The following DCT variants were observed in gnomAD, a reference collection of about 807,000 sequenced individuals.
The protein encoded by DCT is L-dopachrome tautomerase.
DCT carries 47 observed loss-of-function variants against 53.0 expected under a neutral mutation model. The observed-to-expected ratio is 0.89, with a 90% CI of 0.70 to 1.13. DCT has a LOEUF of 1.13. Ranked by LOEUF, DCT falls within the 50% of genes most tolerant of loss-of-function variation. The pLI, the probability that DCT is intolerant of heterozygous loss-of-function variation, is 0.00. For synonymous variants in DCT, 244 were observed against 237.0 expected (o/e 1.03, Z -0.27); for missense variants, 669 against 637.4 (o/e 1.05, Z -0.53).
the DCT span, among the ~76,000 whole-genome samples, chr13:94,493,218 C>G: frequency 6.6e-6 from 1 of 152,090 alleles, no homozygotes; most frequent in Non-Finnish European, 1.5e-5. Flanking sequence ...AGCCATCATC[C>G]TAAGACTTGC....
chr13:94,490,528 AAAAC>A, the DCT span, among the ~76,000 whole-genome samples: 37 of 149,298 alleles, frequency 2.5e-4, no homozygotes, highest in African/African-American at 8.9e-4. Context: ...AAAAAAAAAA[AAAAC>A]AACTAACCAT....
chr13:94,472,546 A>T (rs1481358396), intron 1 of DCT, among the ~76,000 whole-genome samples: 3 of 25,560 alleles, frequency 1.2e-4, no homozygotes, highest in Non-Finnish European at 1.3e-4. Context: ...ATATATATAT[A>T]TATATATATA....
rs891874980 is a variant in DCT, at chr13:94,468,691, C to T, written c.595+55G>A. 15 of 1,512,966 alleles carry T rather than the reference C, an allele frequency of 9.9e-6. No homozygotes were observed. The East Asian group carries it at 2.7e-4, about 27-fold the overall frequency. 93.7% of individuals were successfully genotyped at this position (1,512,966 alleles called of 1,614,324 possible). A position where few individuals can be genotyped will look rare whatever the true frequency, so the allele number is the denominator to read the frequency against. On this transcript the variant is annotated intron_variant, in intron 2 of 7. Transcript: ENST00000377028. ...TGAAATTACTTCCCACTGCCATACC[C>T]TCAACCCAATCACAAACCTGTAATA... is the stretch of plus-strand genomic sequence containing the variant.
rs1459093606 is a variant in DCT at position 94,472,548 on chromosome 13, ATATATATATATATATATATATTTTTT to A, written c.296-3529_296-3504del. Among the ~76,000 whole-genome samples, 7 of 25,450 alleles carry A rather than the reference ATATATATATATATATATATATTTTTT, an allele frequency of 2.8e-4. No individual in the cohort carries two copies. In the South Asian group the frequency reaches 4.4e-3, roughly 16 times the overall value. 16.7% of individuals were successfully genotyped at this position (25,450 alleles called of 152,430 possible). On this transcript the variant is annotated intron_variant, in intron 1 of 7. Transcript: ENST00000377028. ...TATATATATATATATATATATATAT[ATATATATATATATATATATATTTTTT>A]TTTTTTTTTTTTTTTTTTTTTTTTG...
At chr13:94,499,217 C>G in the DCT span, among the ~76,000 whole-genome samples, 1 of 152,110 alleles carries the variant, frequency 6.6e-6, no homozygotes, top group African/African-American at 2.4e-5. Flanking sequence ...GACCACAAAC[C>G]CACCAGAAGG....
At chr13:94,497,583 G>T in the DCT span, among the ~76,000 whole-genome samples, 1 of 152,110 alleles carries the variant, frequency 6.6e-6, no homozygotes, top group Non-Finnish European at 1.5e-5. Flanking sequence ...GCAAACTACA[G>T]AAAATAAAAT....
intron 5 of DCT, among the ~76,000 whole-genome samples, chr13:94,461,692 T>C (rs1341764136): frequency 6.6e-6 from 1 of 152,186 alleles, no homozygotes; most frequent in African/African-American, 2.4e-5. Flanking sequence ...AGAAAGAGCA[T>C]GGACATTGAA....
the DCT span, among the ~76,000 whole-genome samples, chr13:94,494,911 GTAGA>G: frequency 6.6e-6 from 1 of 152,082 alleles, no homozygotes; most frequent in Non-Finnish European, 1.5e-5. Context: ...TCATTGTATA[GTAGA>G]TAATTATGAT....
chr13:94,460,038 A>T, intron 6 of DCT, 53 bp downstream of exon 6: 18 of 1,549,054 alleles, frequency 1.2e-5, no homozygotes, highest in Non-Finnish European at 1.6e-5. Context: ...TGAAAAAATA[A>T]ATCTGACATA....
chr13:94,438,419 C>A lies in DCT; in HGVS notation c.*1479G>T. On this transcript the variant is annotated 3_prime_UTR_variant, in exon 8 of 8. Transcript: ENST00000377028. ...AGTTCCAACTGGGCTTTGTCCATTT[C>A]TCTGGCTTTAGCAGTCCTTTTGCAT... The A allele has an allele frequency of 1.2e-5, 3 of 247,382 alleles. No individual in the cohort carries two copies. In the South Asian group the frequency reaches 1.3e-4, roughly 11 times the overall value. 15.3% of individuals were successfully genotyped at this position (247,382 alleles called of 1,614,324 possible). A position where few individuals can be genotyped will look rare whatever the true frequency, so the allele number is the denominator to read the frequency against.
At chr13:94,498,939 G>A in the DCT span, among the ~76,000 whole-genome samples, 986 of 152,086 alleles carry the variant, frequency 6.5e-3, 14 homozygotes, top group African/African-American at 0.022. Flanking sequence ...TTGTAAATGC[G>A]CCAGTCAGCA....
the DCT span, among the ~76,000 whole-genome samples, chr13:94,530,406 C>T: frequency 2.6e-5 from 4 of 152,160 alleles, no homozygotes; most frequent in Non-Finnish European, 5.9e-5. Context: ...TACTGGCAAA[C>T]CAAATCCAGC....
At chr13:94,512,717 TATATAC>T in the DCT span, among the ~76,000 whole-genome samples, 17 of 116,542 alleles carry the variant, frequency 1.5e-4, 1 homozygote, top group African/African-American at 5.0e-4. Flanking sequence ...CATATATATA[TATATAC>T]ACACACACAC....
chr13:94,515,202 T>G, the DCT span, among the ~76,000 whole-genome samples: 145 of 152,336 alleles, frequency 9.5e-4, no homozygotes, highest in Non-Finnish European at 1.6e-3. Context: ...ATGTCTGTTG[T>G]TTATAAGCCT....
chr13:94,513,987 C>CAAAAAAAA, the DCT span, among the ~76,000 whole-genome samples: 6 of 53,182 alleles, frequency 1.1e-4, no homozygotes, highest in East Asian at 7.2e-4. Context: ...AACTCTGTCT[C>CAAAAAAAA]AAAAAAAAAA....
chr13:94,544,073 T>C, the DCT span, among the ~76,000 whole-genome samples: 1 of 151,914 alleles, frequency 6.6e-6, no homozygotes, highest in Non-Finnish European at 1.5e-5. Context: ...ATCTCATTAA[T>C]GCAATGTATG....
chr13:94,485,586 T>C, the DCT span, among the ~76,000 whole-genome samples: 4 of 152,140 alleles, frequency 2.6e-5, no homozygotes, highest in Admixed American at 2.6e-4. Context: ...AACTGTTGAG[T>C]AAATGAACCA....
the DCT span, among the ~76,000 whole-genome samples, chr13:94,494,041 C>A: frequency 6.6e-6 from 1 of 152,100 alleles, no homozygotes; most frequent in Non-Finnish European, 1.5e-5. Flanking sequence ...TTTAGAGATG[C>A]CAAAAGCTAT....
intron 7 of DCT, among the ~76,000 whole-genome samples, chr13:94,442,691 C>A (rs1392245980): frequency 6.6e-6 from 1 of 152,110 alleles, no homozygotes; most frequent in Non-Finnish European, 1.5e-5. Flanking sequence ...GTAACTAATG[C>A]AACATACACA....
Sources: gnomAD v4.1 joint callset for allele counts (sites outside exome capture counted in the v4.1 genomes callset) on GRCh38, gnomAD v4.1.1 for gene constraint, MANE v1.5 for transcripts, NCBI Gene and HGNC (gene_info 2026-07-23, HGNC 2026-07-21) for gene names.